GGTA1: variants seen among roughly 807,000 people sequenced by gnomAD.
GGTA1 encodes glycoprotein alpha-galactosyltransferase 1 (inactive).
In GGTA1, 5 loss-of-function variants were observed where a neutral mutation model predicts 2.6. The ratio of observed to expected loss-of-function variants is 1.92; its 90% CI spans 1.00 to 4.04. GGTA1 has a LOEUF of 4.04. GGTA1 is among the 30% of genes most tolerant of loss of function. The pLI, the probability that GGTA1 is intolerant of heterozygous loss-of-function variation, is 0.00. For synonymous variants in GGTA1, 17 were observed against 5.0 expected, an observed-to-expected ratio of 3.38 and a Z score of -3.19; for missense variants, 50 against 16.7, an observed-to-expected ratio of 2.99 and a Z score of -3.47.
rs1486732958 is a variant in GGTA1 at position 121,476,512 on chromosome 9, G to A, written c.-9-8581C>T. 6.6e-6 allele frequency among the ~76,000 whole-genome samples: 1 copy of A among 152,186 alleles called. No individual in the cohort carries two copies. Among genetic ancestry groups the A allele is most frequent in the African/African-American group, 2.4e-5 (1 of 41,448 alleles). ...TTCTTCTCTGATGAACCCAGGATGT[G>A]CATGAGAAATCAGCCTCAGGGATGT... On this transcript the variant is annotated intron_variant, in intron 1 of 5. Transcript: ENST00000481799. The surrounding 1 kb of genome is among the most constrained non-coding windows in gnomAD (Gnocchi z 4.6).
downstream of GGTA1, among the ~76,000 whole-genome samples, chr9:121,454,630 A>G (rs1031614953): frequency 1.3e-5 from 2 of 152,200 alleles, no homozygotes; most frequent in Non-Finnish European, 2.9e-5. Context: ...TACCACGTAC[A>G]CTATTTCTTA....
intron 1 of GGTA1, among the ~76,000 whole-genome samples, chr9:121,485,856 C>T (rs1226772625): frequency 6.6e-6 from 1 of 152,168 alleles, no homozygotes; most frequent in African/African-American, 2.4e-5. Context: ...ATCTGTGGAA[C>T]ATGGGGAAGT....
downstream of GGTA1, among the ~76,000 whole-genome samples, chr9:121,453,122 G>A (rs1186699775): frequency 6.6e-6 from 1 of 152,196 alleles, no homozygotes; most frequent in East Asian, 1.9e-4. Flanking sequence ...CCTGGTCATT[G>A]GACAAAAAGG....
chr9:121,472,881 C>G lies in GGTA1; in HGVS notation c.-9-4950G>C, dbSNP rs574388948. Among the ~76,000 whole-genome samples the G allele has an allele frequency of 3.4e-3, 517 of 152,332 alleles. 1 individual carries two copies. Among genetic ancestry groups the G allele is most frequent in the African/African-American group, 0.012 (491 of 41,572 alleles). ...GCCCGAATCAGACATACCTCCAAAT[C>G]CCCGCTCCAAATACAGAGATGTTTA... On this transcript the variant is annotated intron_variant, in intron 1 of 5. Transcript: ENST00000481799.
At chr9:121,464,989 A>C (rs1002925192) in intron 2 of GGTA1, among the ~76,000 whole-genome samples, 7 of 131,962 alleles carry the variant, frequency 5.3e-5, no homozygotes, top group Admixed American at 1.5e-4. Flanking sequence ...GTAAAGTGGC[A>C]AAAAAACAAA....
chr9:121,456,618 G>A (rs1050175950), intron 5 of GGTA1, among the ~76,000 whole-genome samples: 3 of 151,974 alleles, frequency 2.0e-5, no homozygotes, highest in South Asian at 2.1e-4. Flanking sequence ...GGTTTGGCAC[G>A]TTGGTCAGGC....
chr9:121,487,362 G>A (rs564321835), intron 1 of GGTA1, among the ~76,000 whole-genome samples: 1 of 152,022 alleles, frequency 6.6e-6, no homozygotes, highest in South Asian at 2.1e-4. Flanking sequence ...CAGATCATGA[G>A]GTCAGGAGTT....
Position 121,460,701 on chromosome 9 carries a change from C to T in GGTA1, c.183-482G>A, listed in dbSNP as rs145934325. Among the ~76,000 whole-genome samples the T allele has an allele frequency of 4.3e-4, 65 of 151,964 alleles. No individual in the cohort carries two copies. In the East Asian group the frequency reaches 0.01, roughly 24 times the overall value. On this transcript the variant is annotated intron_variant, in intron 4 of 5. Transcript: ENST00000481799. Reference sequence around the variant, plus strand: ...CTCTACTAAAAATACAAAAATTAGCCGAGTGTGGTGGCGGGCGCCTGTAAT... The same window carrying T: ...CTCTACTAAAAATACAAAAATTAGCTGAGTGTGGTGGCGGGCGCCTGTAAT...
chr9:121,465,136 C>A (rs999716696), intron 2 of GGTA1, among the ~76,000 whole-genome samples: 12 of 152,236 alleles, frequency 7.9e-5, no homozygotes, highest in African/African-American at 1.9e-4. Flanking sequence ...GCAGCCAGAA[C>A]CTGCTCTGGC....
intron 1 of GGTA1, among the ~76,000 whole-genome samples, chr9:121,495,107 A>G (rs1221630831): frequency 6.6e-6 from 1 of 151,782 alleles, no homozygotes; most frequent in Non-Finnish European, 1.5e-5. Context: ...TTTAGTAGAG[A>G]TGGGGTTTCA....
chr9:121,494,817 T>C (rs1330264791), intron 1 of GGTA1: 1 of 152,474 alleles, frequency 6.6e-6, no homozygotes, highest in East Asian at 1.9e-4. Context: ...CAAGACCTCA[T>C]CTTTTACAAA....
At chr9:121,447,071 C>T (rs566502895) in exon 8 of GGTA1, 54 of 152,698 alleles carry the variant, frequency 3.5e-4, no homozygotes, top group African/African-American at 1.2e-3. Flanking sequence ...TTTCATCATG[C>T]CACTTGGCTT....
chr9:121,465,246 C>A (rs2064996806), intron 2 of GGTA1, among the ~76,000 whole-genome samples: 1 of 152,228 alleles, frequency 6.6e-6, no homozygotes, highest in Non-Finnish European at 1.5e-5. Flanking sequence ...CAATTCCAAA[C>A]ACCAAAGTTA....
intron 1 of GGTA1, among the ~76,000 whole-genome samples, chr9:121,472,404 G>GAAGAAAAAAAA (rs1310237941): frequency 1.3e-5 from 2 of 151,004 alleles, no homozygotes; most frequent in African/African-American, 4.9e-5. Context: ...TATAAATGCA[G>GAAGAAAAAAAA]AAGAAAAAAA....
At chr9:121,468,362 T>C (rs1183531239) in intron 1 of GGTA1, among the ~76,000 whole-genome samples, 3 of 152,240 alleles carry the variant, frequency 2.0e-5, no homozygotes, top group African/African-American at 7.2e-5. Context: ...TCCTTTTTTA[T>C]GGCTGCATAG....
chr9:121,453,585 C>T (rs1048326223), downstream of GGTA1, among the ~76,000 whole-genome samples: 2 of 152,164 alleles, frequency 1.3e-5, no homozygotes, highest in East Asian at 3.9e-4. Flanking sequence ...TGGCACCCTG[C>T]TTGGCATTTG....
downstream of GGTA1, among the ~76,000 whole-genome samples, chr9:121,451,609 G>A (rs575191823): frequency 3.3e-5 from 5 of 152,154 alleles, no homozygotes; most frequent in Non-Finnish European, 4.4e-5. Flanking sequence ...AAATCTTCTA[G>A]GGCCAAATCC....
chr9:121,491,910 T>C (rs1247618430), intron 1 of GGTA1, among the ~76,000 whole-genome samples: 1 of 152,170 alleles, frequency 6.6e-6, no homozygotes, highest in Non-Finnish European at 1.5e-5. Flanking sequence ...CTCAGCCATG[T>C]GCAACTGTCT....
Position 121,491,598 on chromosome 9 carries a change from GTT to G in GGTA1, c.-10+8050_-10+8051del, listed in dbSNP as rs371689583. Among the ~76,000 whole-genome samples the G allele has an allele frequency of 1.2e-3, 171 of 147,478 alleles. 1 individual carries two copies. Among genetic ancestry groups the G allele is most frequent in the African/African-American group, 3.3e-3 (132 of 40,252 alleles). On this transcript the variant is annotated intron_variant, in intron 1 of 5. Coordinates refer to ENST00000481799, the MANE Select transcript of GGTA1 (RefSeq NM_001382585.1). ...CTTTGTGGCTGTCACTGTGCAATTA[GTT>G]TTTTTTTTTTTCTTGTTTTCTTTTT...
Sources: gnomAD v4.1 joint callset for allele counts (sites outside exome capture counted in the v4.1 genomes callset) on GRCh38, gnomAD v4.1.1 for gene constraint, Gnocchi (gnomAD v3.1) non-coding constraint, MANE v1.5 for transcripts, NCBI Gene and HGNC (gene_info 2026-07-23, HGNC 2026-07-21) for gene names.